The following NUP155 variants were observed in gnomAD, a reference collection of about 807,000 sequenced individuals.
NUP155 encodes the protein nuclear pore complex protein Nup155.
NUP155 carries 71 observed loss-of-function variants against 180.4 expected under a neutral mutation model. The ratio of observed to expected loss-of-function variants is 0.39; its 90% CI spans 0.33 to 0.48. The LOEUF (loss-of-function observed/expected upper bound fraction) is 0.48, where lower values mean the gene tolerates loss of function less well. Among genes scored for constraint, NUP155 ranks in the 20% least tolerant of loss-of-function variants. The pLI is 0.91. For synonymous variants in NUP155, 582 were observed against 559.5 expected (o/e 1.04, Z -0.57); for missense variants, 1,553 against 1,648.9 (o/e 0.94, Z 1.01).
intron 21 of NUP155, among the ~76,000 whole-genome samples, chr5:37,315,840 G>A (rs1743849879): frequency 6.6e-6 from 1 of 152,200 alleles, no homozygotes; most frequent in Non-Finnish European, 1.5e-5. Flanking sequence ...CTACTCGGGA[G>A]GCTGAGGCAG....
At chr5:37,295,752 G>A (rs1476884439) in intron 32 of NUP155, among the ~76,000 whole-genome samples, 1 of 151,680 alleles carries the variant, frequency 6.6e-6, no homozygotes, top group Non-Finnish European at 1.5e-5. Flanking sequence ...TCTGAGAAGT[G>A]AGGAGACCCT....
intron 7 of NUP155, 101 bp downstream of exon 7, chr5:37,350,059 C>A (rs1746358096): frequency 1.2e-6 from 1 of 848,056 alleles, no homozygotes; most frequent in African/African-American, 1.7e-5. Flanking sequence ...CTTAACATAA[C>A]AAATTGTTTC....
At chr5:37,353,899 T>C (rs981414857) in intron 4 of NUP155, among the ~76,000 whole-genome samples, 7 of 152,204 alleles carry the variant, frequency 4.6e-5, no homozygotes, top group African/African-American at 1.7e-4. Flanking sequence ...ATGGACTTAA[T>C]ACCACTGAAG....
In NUP155 at chr5:37,317,961, C is replaced by CT. The variant is rs1380347475; in HGVS notation, c.2305+26dup. The CT allele has an allele frequency of 3.1e-6, 4 of 1,276,860 alleles. No individual in the cohort carries two copies. In the African/African-American group the frequency reaches 5.8e-5, roughly 19 times the overall value. The allele number at this position is 1,276,860 out of a possible 1,614,324, so 79.1% of individuals were successfully genotyped here. A position where few individuals can be genotyped will look rare whatever the true frequency, so the allele number is the denominator to read the frequency against. Reference sequence around the variant, plus strand: ...TAAAATTTTACTGAGGTCATGTACGCTTAACTGATGAGAAGCAATAATTTA... The same window carrying CT: ...TAAAATTTTACTGAGGTCATGTACGCTTTAACTGATGAGAAGCAATAATTTA... On this transcript the variant is annotated intron_variant, in intron 21 of 34. Transcript: ENST00000231498.
At chr5:37,328,064 T>C (rs1744720375) in intron 17 of NUP155, among the ~76,000 whole-genome samples, 1 of 152,178 alleles carries the variant, frequency 6.6e-6, no homozygotes, top group Non-Finnish European at 1.5e-5. Flanking sequence ...GAAACAAACT[T>C]GCCAGTACTG....
intron 11 of NUP155, among the ~76,000 whole-genome samples, chr5:37,338,932 A>G (rs1205968555): frequency 6.6e-6 from 1 of 152,158 alleles, no homozygotes; most frequent in African/African-American, 2.4e-5. Flanking sequence ...CTTAGTATAT[A>G]AAAATGCCAT....
intron 20 of NUP155, among the ~76,000 whole-genome samples, chr5:37,318,703 C>A (rs1744061748): frequency 6.6e-6 from 1 of 151,986 alleles, no homozygotes; most frequent in African/African-American, 2.4e-5. Flanking sequence ...CAATGTGTAT[C>A]ACAATACATA....
intron 21 of NUP155, among the ~76,000 whole-genome samples, chr5:37,316,060 T>TGGA (rs1223043717): frequency 6.6e-6 from 1 of 152,200 alleles, no homozygotes; most frequent in African/African-American, 2.4e-5. Context: ...CACTTCTGGG[T>TGGA]ATATACCCAA....
At chr5:37,300,627 G>A (rs1581131530) in intron 30 of NUP155, among the ~76,000 whole-genome samples, 1 of 152,056 alleles carries the variant, frequency 6.6e-6, no homozygotes, top group South Asian at 2.1e-4. Flanking sequence ...GGCAAGAAGC[G>A]AGGCCATAAA....
intron 9 of NUP155, among the ~76,000 whole-genome samples, chr5:37,343,224 GCCA>G (rs1262960216): frequency 6.6e-6 from 1 of 151,882 alleles, no homozygotes; most frequent in East Asian, 1.9e-4. Flanking sequence ...ACAGGCACCC[GCCA>G]CCACACCTGG....
Position 37,365,937 on chromosome 5 carries a change from A to G in NUP155, c.158-1553T>C, listed in dbSNP as rs1160477674. Among the ~76,000 whole-genome samples the G allele has an allele frequency of 2.0e-5, 3 of 152,006 alleles. No individual in the cohort carries two copies. The East Asian group carries it at 5.8e-4, about 29-fold the overall frequency. On this transcript the variant is annotated intron_variant, in intron 1 of 34. Transcript: ENST00000231498. ...AGGTAAAATGACTATAAGCAAACAA[A>G]ATAATGACTGGGGGAAAATACTGCC...
intron 18 of NUP155, among the ~76,000 whole-genome samples, chr5:37,326,709 A>G (rs1744620537): frequency 6.6e-6 from 1 of 152,196 alleles, no homozygotes; most frequent in African/African-American, 2.4e-5. Context: ...TCTAGCCAAG[A>G]TAAGCATAGC....
intron 34 of NUP155, 124 bp downstream of exon 34, chr5:37,292,755 T>G (rs368662551): frequency 5.9e-6 from 4 of 680,590 alleles, no homozygotes; most frequent in African/African-American, 3.6e-5. Context: ...GTGATCAATA[T>G]CATTCAAATA....
At chr5:37,355,413 C>G (rs1039489486) in intron 4 of NUP155, among the ~76,000 whole-genome samples, 15 of 151,350 alleles carry the variant, frequency 9.9e-5, no homozygotes, top group African/African-American at 3.6e-4. Flanking sequence ...GAGCCTGAGG[C>G]AGGAGAATCG....
intron 1 of NUP155, 92 bp downstream of exon 1, chr5:37,370,729 T>C: frequency 6.2e-7 from 1 of 1,612,260 alleles, no homozygotes; most frequent in Non-Finnish European, 8.5e-7. Context: ...TCTCAGCATA[T>C]CCTCGCCGGG....
At chr5:37,342,056 T>G (rs1745761400) in intron 10 of NUP155, among the ~76,000 whole-genome samples, 1 of 152,172 alleles carries the variant, frequency 6.6e-6, no homozygotes, top group Non-Finnish European at 1.5e-5. Flanking sequence ...ACTGGTTTTT[T>G]GAGAAAAGAT....
Position 37,292,087 on chromosome 5 carries a change from T to C in NUP155, c.4038-49A>G, listed in dbSNP as rs764094865. On this transcript the variant is annotated intron_variant, in intron 34 of 34. Transcript: ENST00000231498. ...TAATTATACATTTACAAACATTTCCTCCTGCAGGACTTCTTCCCCACCAAC... is the reference window on the plus strand; with the variant it reads ...TAATTATACATTTACAAACATTTCCCCCTGCAGGACTTCTTCCCCACCAAC... 4 of 1,594,500 alleles carry C rather than the reference T, an allele frequency of 2.5e-6. No individual in the cohort carries two copies. The South Asian group carries it at 4.4e-5, about 18-fold the overall frequency.
chr5:37,366,585 T>C (rs549833116), intron 1 of NUP155, among the ~76,000 whole-genome samples: 146 of 152,042 alleles, frequency 9.6e-4, no homozygotes, highest in Admixed American at 9.6e-3. Flanking sequence ...ATTACAGGCA[T>C]GAGCCACCAC....
chr5:37,367,990 G>A (rs1747712656), intron 1 of NUP155, among the ~76,000 whole-genome samples: 1 of 152,068 alleles, frequency 6.6e-6, no homozygotes, highest in Non-Finnish European at 1.5e-5. Context: ...TACCACGTTG[G>A]TCAGGCTGGT....
Sources: allele counts gnomAD v4.1 joint callset (sites outside exome capture counted in the v4.1 genomes callset), GRCh38; gene constraint gnomAD v4.1.1; transcripts MANE v1.5; gene names NCBI Gene and HGNC (gene_info 2026-07-23, HGNC 2026-07-21).